STK38: variants seen among roughly 807,000 people sequenced by gnomAD.
STK38 encodes the protein serine/threonine-protein kinase 38.
In STK38, 26 loss-of-function variants were observed where a neutral mutation model predicts 59.0. The ratio of observed to expected loss-of-function variants is 0.44; its 90% CI spans 0.32 to 0.61. The LOEUF is 0.61. Ranked by LOEUF, STK38 falls within the 20% of genes least tolerant of loss-of-function variation. STK38 has a pLI of 0.04. For synonymous variants in STK38, 175 were observed against 176.6 expected (o/e 0.99, Z 0.07); for missense variants, 433 against 566.0 (o/e 0.76, Z 2.38).
intron 13 of STK38, 128 bp from the exon 14 acceptor site, chr6:36,496,042 A>AT: frequency 2.1e-6 from 2 of 972,082 alleles, no homozygotes; most frequent in Non-Finnish European, 2.9e-6. Flanking sequence ...TCACTCTATG[A>AT]ATTTTTTTTT....
At chr6:36,519,199 T>G (rs1382340430) in intron 5 of STK38, among the ~76,000 whole-genome samples, 1 of 152,246 alleles carries the variant, frequency 6.6e-6, no homozygotes, top group East Asian at 1.9e-4. Context: ...TCTTTACATC[T>G]GTACTTATGG....
chr6:36,496,659 G>A (rs953327119), intron 13 of STK38, 52 bp downstream of exon 13: 11 of 1,332,106 alleles, frequency 8.3e-6, no homozygotes, highest in Middle Eastern at 1.8e-4. Context: ...CCCAAAATTG[G>A]GGGTAAATAA....
chr6:36,509,759 G>A (rs1351074412), intron 7 of STK38, among the ~76,000 whole-genome samples: 1 of 152,094 alleles, frequency 6.6e-6, no homozygotes, highest in Non-Finnish European at 1.5e-5. Context: ...CACTCCCCTA[G>A]CCCGCTCTTT....
At chr6:36,512,008 A>G (rs1374734003) in intron 7 of STK38, among the ~76,000 whole-genome samples, 1 of 152,176 alleles carries the variant, frequency 6.6e-6, no homozygotes, top group Non-Finnish European at 1.5e-5. Context: ...ACAGTGAGCC[A>G]AGATCACATC....
At chr6:36,509,580 C>T (rs947080708) in intron 7 of STK38, among the ~76,000 whole-genome samples, 2 of 133,728 alleles carry the variant, frequency 1.5e-5, no homozygotes, top group Admixed American at 9.5e-5. Context: ...TTTAATAAAT[C>T]GAGGCGCAGG....
intron 2 of STK38, among the ~76,000 whole-genome samples, chr6:36,527,207 A>AAAAAAAAAAAAAAT (rs60162863): frequency 8.4e-6 from 1 of 119,356 alleles, no homozygotes; most frequent in Non-Finnish European, 1.6e-5. Flanking sequence ...AAAAAAAAAA[A>AAAAAAAAAAAAAAT]ATATATGTAT....
intron 9 of STK38, among the ~76,000 whole-genome samples, chr6:36,504,276 A>G (rs1323229275): frequency 1.3e-5 from 2 of 152,250 alleles, no homozygotes; most frequent in Non-Finnish European, 2.9e-5. Context: ...ATACAGGACG[A>G]CATAACAATT....
rs1192623137 is a variant in STK38, at chr6:36,503,721, T to C, written c.834+2862A>G. Among the ~76,000 whole-genome samples the C allele has an allele frequency of 2.0e-5, 3 of 152,118 alleles. No homozygotes were observed. In the East Asian group the frequency reaches 5.8e-4, roughly 29 times the overall value. The stretch of plus-strand genomic sequence containing the variant: ...CCAGAGGAAAAGAACTCCTTCAAGA[T>C]ACCAGTGCATTAAAAAAAACTCTTA... On this transcript the variant is annotated intron_variant, in intron 9 of 13. Coordinates refer to ENST00000229812, the MANE Select transcript of STK38 (RefSeq NM_007271.4).
intron 5 of STK38, among the ~76,000 whole-genome samples, chr6:36,519,541 T>C (rs1777333312): frequency 1.3e-5 from 2 of 152,192 alleles, no homozygotes; most frequent in African/African-American, 2.4e-5. Flanking sequence ...CATTTCCTGT[T>C]TGTCAAGGGG....
At chr6:36,534,115 G>A (rs1044279322) in intron 2 of STK38, among the ~76,000 whole-genome samples, 1 of 151,988 alleles carries the variant, frequency 6.6e-6, no homozygotes, top group Admixed American at 6.6e-5. Context: ...ATGTCATCAA[G>A]AGGGTTTTAC....
intron 9 of STK38, among the ~76,000 whole-genome samples, chr6:36,501,527 T>C (rs1202598332): frequency 6.6e-6 from 1 of 151,216 alleles, no homozygotes; most frequent in Non-Finnish European, 1.5e-5. Context: ...ATTAATAATT[T>C]GCCATATTTG....
chr6:36,507,462 GT>G, intron 8 of STK38, 37 bp downstream of exon 8: 1 of 1,568,998 alleles, frequency 6.4e-7, no homozygotes, highest in South Asian at 1.1e-5. Flanking sequence ...TCTAGGCCCA[GT>G]TAGAACGAAA....
chr6:36,514,023 C>T (rs746171537), intron 7 of STK38, among the ~76,000 whole-genome samples: 25 of 151,596 alleles, frequency 1.6e-4, no homozygotes, highest in South Asian at 6.3e-4. Context: ...GGTGTGGTGG[C>T]GGGCGCCTGT....
intron 9 of STK38, among the ~76,000 whole-genome samples, chr6:36,504,953 GA>G (rs1323761635): frequency 1.0e-5 from 1 of 98,032 alleles, no homozygotes; most frequent in Non-Finnish European, 2.3e-5. Context: ...AAGAAAGAAA[GA>G]AAAGAAATCA....
At chr6:36,514,802 C>T (rs776534522) in intron 7 of STK38, among the ~76,000 whole-genome samples, 7 of 145,376 alleles carry the variant, frequency 4.8e-5, no homozygotes, top group Admixed American at 2.8e-4. Context: ...GAGCTAAGAT[C>T]GCGCCACTGC....
intron 2 of STK38, among the ~76,000 whole-genome samples, chr6:36,538,989 AT>A (rs1452152449): frequency 2.6e-5 from 4 of 151,990 alleles, no homozygotes; most frequent in African/African-American, 9.7e-5. Flanking sequence ...ATAAATAACC[AT>A]TATAGACTCT....
chr6:36,496,867 AGTCTTTCTCC>A, intron 12 of STK38, 62 bp from the exon 13 acceptor site: 1 of 1,251,540 alleles, frequency 8.0e-7, no homozygotes, highest in African/African-American at 1.5e-5. Flanking sequence ...ATACCAATCA[AGTCTTTCTCC>A]AAAAAAGACC....
At position 36,498,400 on chromosome 6, in the gene STK38, C is replaced by T. The variant is rs1487813410; in HGVS notation, c.1039G>A (p.Val347Ile). 3 of 1,613,832 alleles carry T rather than the reference C, an allele frequency of 1.9e-6. No homozygotes were observed. Among genetic ancestry groups the T allele is most frequent in the Non-Finnish European group, 2.5e-6 (3 of 1,179,974 alleles). ...WKETLTFPPE[V>I]PISEKAKDLI... ...TCCTTGGCTTTCTCAGAGATGGGAA[C>T]TTCTGGAGGAAAAGTCAAAGTTTCT... The change falls in exon 11 of 14, where the codon GTT becomes ATT. Residue 347 changes from valine (V) to isoleucine (I), a missense_variant. Val to Ile is a conservative substitution (Grantham distance 29). Coordinates refer to ENST00000229812, the MANE Select transcript of STK38 (RefSeq NM_007271.4).
At chr6:36,517,487 T>C (rs984260037) in intron 6 of STK38, among the ~76,000 whole-genome samples, 1 of 152,150 alleles carries the variant, frequency 6.6e-6, no homozygotes, top group African/African-American at 2.4e-5. Context: ...GAAAGAAATG[T>C]CCATCTGAAA....
Sources: gnomAD v4.1 joint callset for allele counts (sites outside exome capture counted in the v4.1 genomes callset) on GRCh38, gnomAD v4.1.1 for gene constraint, MANE v1.5 for transcripts, NCBI Gene and HGNC (gene_info 2026-07-23, HGNC 2026-07-21) for gene names.